Variants in GRIP1 observed in about 807,000 individuals in gnomAD.
GRIP1 encodes the protein glutamate receptor interacting protein 1, also known as glutamate receptor-interacting protein 1.
In GRIP1, 45 loss-of-function variants were observed where a neutral mutation model predicts 129.9. The observed-to-expected ratio is 0.35, with a 90% confidence interval of 0.27 to 0.44. The LOEUF (loss-of-function observed/expected upper bound fraction) is 0.44. GRIP1 is among the 20% of genes least tolerant of loss of function. The pLI is 1.00. For synonymous variants in GRIP1, 530 were observed against 520.8 expected (o/e 1.02, Z -0.24); for missense variants, 1,196 against 1,396.8 (o/e 0.86, Z 2.29).
upstream of GRIP1, chr12:66,679,134 C>T: frequency 1.4e-6 from 2 of 1,440,004 alleles, no homozygotes; most frequent in Non-Finnish European, 1.8e-6. Flanking sequence ...CCTCCTCCCC[C>T]TTCACAATCA....
chr12:67,024,529 G>A (rs764712231), intron 1 of GRIP1, among the ~76,000 whole-genome samples: 16 of 152,054 alleles, frequency 1.1e-4, no homozygotes, highest in East Asian at 1.9e-4. Context: ...CCATTTGGCC[G>A]TTTACTGGAC....
chr12:66,674,762 G>C (rs2034245637), intron 1 of GRIP1, among the ~76,000 whole-genome samples: 1 of 152,168 alleles, frequency 6.6e-6, no homozygotes. Flanking sequence ...AAATGAGAGT[G>C]AGTGTGATCA....
intron 1 of GRIP1, among the ~76,000 whole-genome samples, chr12:66,961,580 C>T (rs2081190839): frequency 6.6e-6 from 1 of 152,220 alleles, no homozygotes; most frequent in African/African-American, 2.4e-5. Context: ...TTATAGAAGG[C>T]CATGAGTTTG....
intron 16 of GRIP1, among the ~76,000 whole-genome samples, chr12:66,397,110 C>CAAAAAAAAAAAAA (rs71436004): frequency 1.7e-5 from 1 of 60,214 alleles, no homozygotes; most frequent in Non-Finnish European, 2.8e-5. Context: ...GACTCTGTCT[C>CAAAAAAAAAAAAA]AAAAAAAAAA....
chr12:66,996,972 C>T (rs2042476502), intron 1 of GRIP1, among the ~76,000 whole-genome samples: 1 of 152,136 alleles, frequency 6.6e-6, no homozygotes, highest in African/African-American at 2.4e-5. Flanking sequence ...GAGTTCCCCA[C>T]ACAGCATCGA....
intron 1 of GRIP1, among the ~76,000 whole-genome samples, chr12:66,916,164 A>T (rs895663909): frequency 1.4e-4 from 22 of 152,202 alleles, no homozygotes; most frequent in Non-Finnish European, 4.4e-5. Context: ...AAGCCTAATA[A>T]AAAGGAAAAT....
intron 2 of GRIP1, among the ~76,000 whole-genome samples, chr12:66,578,940 C>T (rs563474421): frequency 1.2e-4 from 19 of 152,322 alleles, no homozygotes; most frequent in East Asian, 1.2e-3. Context: ...GATCTGAGAA[C>T]GGGCAGACTG....
chr12:66,587,323 G>C (rs1035648695), intron 2 of GRIP1, among the ~76,000 whole-genome samples: 2 of 152,202 alleles, frequency 1.3e-5, no homozygotes, highest in African/African-American at 4.8e-5. Context: ...GCTCATGGAG[G>C]CCAACCTTGG....
intron 7 of GRIP1, among the ~76,000 whole-genome samples, chr12:66,473,578 G>A (rs1379951513): frequency 1.3e-5 from 2 of 152,216 alleles, no homozygotes; most frequent in East Asian, 1.9e-4. Context: ...TCTTACAGGA[G>A]AGCTCCAGCT....
At chr12:66,633,662 T>C (rs1332702984) in intron 1 of GRIP1, among the ~76,000 whole-genome samples, 1 of 152,058 alleles carries the variant, frequency 6.6e-6, no homozygotes, top group East Asian at 1.9e-4. Context: ...TTTCCCGAGG[T>C]TAAATAACTT....
At chr12:66,986,592 A>C (rs1459038218) in intron 1 of GRIP1, among the ~76,000 whole-genome samples, 1 of 148,368 alleles carries the variant, frequency 6.7e-6, no homozygotes. Context: ...AAAACCAAAC[A>C]CCGCATGTTC....
intron 1 of GRIP1, among the ~76,000 whole-genome samples, chr12:66,641,035 A>G (rs2031877104): frequency 6.6e-6 from 1 of 152,200 alleles, no homozygotes; most frequent in South Asian, 2.1e-4. Flanking sequence ...TCTATGCTAG[A>G]GGAGGCTGAG....
intron 1 of GRIP1, among the ~76,000 whole-genome samples, chr12:66,960,244 T>C (rs2041903330): frequency 6.6e-6 from 1 of 151,838 alleles, no homozygotes; most frequent in Admixed American, 6.6e-5. Context: ...AAGTTTAGGG[T>C]GGGGCTCACC....
chr12:66,650,175 T>G (rs1319800205), intron 1 of GRIP1, among the ~76,000 whole-genome samples: 8 of 152,164 alleles, frequency 5.3e-5, no homozygotes, highest in Admixed American at 3.3e-4. Flanking sequence ...ACTCCACCTG[T>G]GCAGTTCTCA....
chr12:66,565,301 T>A (rs1413760814), intron 2 of GRIP1, among the ~76,000 whole-genome samples: 1 of 152,214 alleles, frequency 6.6e-6, no homozygotes, highest in East Asian at 1.9e-4. Context: ...AATTTTTGTA[T>A]AAGGTGTAAG....
intron 23 of GRIP1, among the ~76,000 whole-genome samples, chr12:66,359,526 T>C (rs968340408): frequency 1.3e-5 from 2 of 152,216 alleles, no homozygotes; most frequent in African/African-American, 4.8e-5. Flanking sequence ...GAGTAGCTCA[T>C]TAACTTCAAG....
At chr12:66,829,495 G>A (rs1204026059) in intron 1 of GRIP1, among the ~76,000 whole-genome samples, 1 of 152,192 alleles carries the variant, frequency 6.6e-6, no homozygotes, top group Non-Finnish European at 1.5e-5. Context: ...GTAATAACAC[G>A]ACAGCCACAG....
intron 1 of GRIP1, among the ~76,000 whole-genome samples, chr12:67,040,725 G>A (rs1436932690): frequency 6.6e-6 from 1 of 152,174 alleles, no homozygotes; most frequent in Non-Finnish European, 1.5e-5. Context: ...ATGAAATTAT[G>A]TTTGGAAAGA....
intron 4 of GRIP1, among the ~76,000 whole-genome samples, chr12:66,536,448 T>C (rs532987228): frequency 1.5e-4 from 23 of 152,326 alleles, no homozygotes; most frequent in African/African-American, 5.5e-4. Context: ...AGCCACACTG[T>C]CCTCCTTAAT....
Sources: gnomAD v4.1 joint callset for allele counts (sites outside exome capture counted in the v4.1 genomes callset) on GRCh38, gnomAD v4.1.1 for gene constraint, MANE v1.5 for transcripts, NCBI Gene and HGNC (gene_info 2026-07-23, HGNC 2026-07-21) for gene names.